DIP2C: variants seen among roughly 807,000 people sequenced by gnomAD.
The protein encoded by DIP2C is disco-interacting protein 2 homolog C.
Under a neutral mutation model 192.4 loss-of-function variants are expected in DIP2C, and 33 were observed. The observed-to-expected ratio is 0.17, with a 90% CI of 0.13 to 0.23. The LOEUF (loss-of-function observed/expected upper bound fraction) is 0.23. DIP2C is among the 10% of genes least tolerant of loss of function. The pLI is 1.00. For synonymous variants in DIP2C, 979 were observed against 864.1 expected, an observed-to-expected ratio of 1.13 and a Z score of -2.33; for missense variants, 1,537 against 2,110.1, an observed-to-expected ratio of 0.73 and a Z score of 5.32.
intron 4 of DIP2C, 89 bp from the exon 5 acceptor site, chr10:423,122 CGTAA>C (rs1564694186): frequency 8.0e-7 from 1 of 1,252,952 alleles, no homozygotes; most frequent in African/African-American, 1.5e-5. Flanking sequence ...ATTTACTTCA[CGTAA>C]GTCTCAATAG....
chr10:332,883 A>T (rs984260454), intron 29 of DIP2C, among the ~76,000 whole-genome samples: 1 of 152,118 alleles, frequency 6.6e-6, no homozygotes, highest in Admixed American at 6.5e-5. Context: ...TACACACTTG[A>T]GTTACTGCAA....
intron 1 of DIP2C, among the ~76,000 whole-genome samples, chr10:580,203 CATATAT>C (rs879891972): frequency 6.6e-6 from 1 of 151,078 alleles, no homozygotes; most frequent in African/African-American, 2.4e-5. Context: ...TACATATGCA[CATATAT>C]ATAATGTATA....
chr10:327,281 C>T (rs1048793490), intron 30 of DIP2C, 105 bp from the exon 31 acceptor site: 15 of 1,332,108 alleles, frequency 1.1e-5, no homozygotes, highest in Middle Eastern at 2.3e-4. Flanking sequence ...GAAAACTCAA[C>T]ACAGCTATGC....
chr10:687,773 A>G (rs985407882), intron 1 of DIP2C, among the ~76,000 whole-genome samples: 3 of 152,232 alleles, frequency 2.0e-5, no homozygotes, highest in African/African-American at 7.2e-5. Context: ...TGCCCAACAC[A>G]GGACACCCAT....
chr10:480,920 C>G (rs1439374325), intron 2 of DIP2C, among the ~76,000 whole-genome samples: 1 of 152,186 alleles, frequency 6.6e-6, no homozygotes, highest in East Asian at 1.9e-4. Flanking sequence ...CATCTGGACA[C>G]CCACGTTTCC....
intron 2 of DIP2C, among the ~76,000 whole-genome samples, chr10:477,818 CAA>C (rs1185286145): frequency 1.1e-3 from 129 of 118,018 alleles, no homozygotes; most frequent in African/African-American, 3.7e-3. Context: ...AGAAGGAAAA[CAA>C]GAGAGAAGGA....
chr10:679,803 T>C (rs1890679), intron 1 of DIP2C, among the ~76,000 whole-genome samples: 127,249 of 152,128 alleles, frequency 0.84, 55,405 homozygotes, highest in South Asian at 0.95. Context: ...CCTGCGCCCA[T>C]ATCTGCTCCT....
Position 346,704 on chromosome 10 carries a change from C to G in DIP2C, c.3232-1594G>C, listed in dbSNP as rs549064652. On this transcript the variant is annotated intron_variant, in intron 26 of 36. Transcript: ENST00000280886. ...TCACACACACCCAACCCAGACACAC[C>G]GCGCATAGTTCTCCCGGAAACGTCA... 1.4e-5 allele frequency among the ~76,000 whole-genome samples: 2 copies of G among 141,758 alleles called. 1 individual carries two copies. Among genetic ancestry groups the G allele is most frequent in the African/African-American group, 5.7e-5 (2 of 35,362 alleles). 93.0% of individuals were successfully genotyped at this position (141,758 alleles called of 152,430 possible).
chr10:338,551 C>T (rs931736586), intron 29 of DIP2C, among the ~76,000 whole-genome samples: 3 of 152,176 alleles, frequency 2.0e-5, no homozygotes, highest in Non-Finnish European at 2.9e-5. Context: ...TGCACTAACA[C>T]GCTGCACAGG....
intron 1 of DIP2C, among the ~76,000 whole-genome samples, chr10:590,741 T>C (rs1050589849): frequency 6.6e-6 from 1 of 152,178 alleles, no homozygotes; most frequent in Non-Finnish European, 1.5e-5. Context: ...AGATTAAAAA[T>C]AGAAGGAACC....
chr10:386,430 G>A (rs1962924841), intron 14 of DIP2C, among the ~76,000 whole-genome samples: 1 of 152,148 alleles, frequency 6.6e-6, no homozygotes, highest in African/African-American at 2.4e-5. Flanking sequence ...CAAAGCAGGG[G>A]CTCCCACTGC....
intron 2 of DIP2C, among the ~76,000 whole-genome samples, chr10:474,555 C>T (rs936324943): frequency 4.7e-5 from 3 of 63,470 alleles, no homozygotes; most frequent in East Asian, 6.7e-4. Flanking sequence ...CCTTTCTTCC[C>T]GCTGGCTGTG....
Position 414,739 on chromosome 10 carries a change from G to GTGTGTATATATATATATATA in DIP2C, c.860-630_860-629insTATATATATATATATACACA. Among the ~76,000 whole-genome samples, 99 of 90,524 alleles carry GTGTGTATATATATATATATA rather than the reference G, an allele frequency of 1.1e-3. 4 individuals carry two copies. The highest frequency in any genetic ancestry group is 2.8e-3 in the Admixed American group (24 of 8,518). The allele number at this position is 90,524 out of a possible 152,430, so 59.4% of individuals were successfully genotyped here. ...TGTGTGTGTGTGTGTGTGTGTGTGT[G>GTGTGTATATATATATATATA]TACATATATATATATATAATGTGTA... On this transcript the variant is annotated intron_variant, in intron 7 of 36. Transcript: ENST00000280886.
chr10:558,350 T>C (rs979031224), intron 1 of DIP2C, among the ~76,000 whole-genome samples: 15 of 152,160 alleles, frequency 9.9e-5, no homozygotes, highest in African/African-American at 3.4e-4. Flanking sequence ...ACTCGAGTCA[T>C]GTGTGTGAAT....
intron 29 of DIP2C, among the ~76,000 whole-genome samples, chr10:334,453 T>C (rs1374544752): frequency 6.6e-6 from 1 of 152,204 alleles, no homozygotes; most frequent in Non-Finnish European, 1.5e-5. Context: ...TTTTAAATTT[T>C]GTTCCAGTCC....
At chr10:599,144 C>T (rs871918) in intron 1 of DIP2C, among the ~76,000 whole-genome samples, 5 of 152,148 alleles carry the variant, frequency 3.3e-5, no homozygotes, top group Admixed American at 2.0e-4. Flanking sequence ...GAAACCCCAG[C>T]GTTCCCAGGG....
Position 418,967 on chromosome 10 carries a change from T to C in DIP2C, c.739+98A>G, listed in dbSNP as rs1041377618. 1.2e-5 allele frequency: 18 copies of C among 1,554,510 alleles called. No individual in the cohort carries two copies. The South Asian group carries it at 1.2e-4, about 11-fold the overall frequency. ...ATAAATTGGCTTTGTCAGAACCGATTGTACCCCAGGAAGAAACACATCCAG... is the reference window on the plus strand; with the variant it reads ...ATAAATTGGCTTTGTCAGAACCGATCGTACCCCAGGAAGAAACACATCCAG... On this transcript the variant is annotated intron_variant, in intron 6 of 36. Coordinates refer to ENST00000280886, the MANE Select transcript of DIP2C (RefSeq NM_014974.3).
At chr10:642,015 C>T (rs1264311338) in intron 1 of DIP2C, among the ~76,000 whole-genome samples, 1 of 151,880 alleles carries the variant, frequency 6.6e-6, no homozygotes, top group Non-Finnish European at 1.5e-5. Flanking sequence ...AGGGCGAGAC[C>T]CTGTATCAAA....
intron 9 of DIP2C, among the ~76,000 whole-genome samples, chr10:405,042 A>G (rs552378175): frequency 2.0e-5 from 3 of 152,364 alleles, no homozygotes; most frequent in African/African-American, 7.2e-5. Flanking sequence ...TAGAAAATTC[A>G]GATGTTGAAG....
Sources: gnomAD v4.1 joint callset for allele counts (sites outside exome capture counted in the v4.1 genomes callset) on GRCh38, gnomAD v4.1.1 for gene constraint, MANE v1.5 for transcripts, NCBI Gene and HGNC (gene_info 2026-07-23, HGNC 2026-07-21) for gene names.